The following ARPP21 variants were observed in gnomAD, a reference collection of about 807,000 sequenced individuals.
ARPP21 encodes cAMP-regulated phosphoprotein 21.
ARPP21 carries 69 observed loss-of-function variants against 113.2 expected under a neutral mutation model. That is an observed-to-expected ratio of 0.61 (90% CI 0.50 to 0.74). ARPP21 has a LOEUF of 0.74. Among genes scored for constraint, ARPP21 ranks in the 30% least tolerant of loss-of-function variants. ARPP21 has a pLI of 0.00. For missense variants in ARPP21, 1,070 were observed against 1,037.4 expected (o/e 1.03, Z -0.43); for synonymous variants, 368 against 375.5 (o/e 0.98, Z 0.23).
At chr3:35,687,596 G>A (rs1395285303) in intron 5 of ARPP21, 143 bp from the exon 6 acceptor site, 3 of 646,142 alleles carry the variant, frequency 4.6e-6, no homozygotes, top group Non-Finnish European at 7.7e-6. Flanking sequence ...TTAATTTCCT[G>A]ACAGGTTTAA....
chr3:35,727,706 T>C (rs945367375), intron 14 of ARPP21, among the ~76,000 whole-genome samples: 1 of 152,234 alleles, frequency 6.6e-6, no homozygotes, highest in African/African-American at 2.4e-5. Flanking sequence ...CAACCTGTGA[T>C]ATTACACAAG....
chr3:35,697,462 G>A (rs1279499643), intron 9 of ARPP21, among the ~76,000 whole-genome samples: 2 of 151,620 alleles, frequency 1.3e-5, no homozygotes, highest in African/African-American at 4.8e-5. Flanking sequence ...CAGAAAGGAT[G>A]AGTAACTGAG....
chr3:35,731,145 T>C (rs1227684534), intron 15 of ARPP21, among the ~76,000 whole-genome samples: 7 of 152,184 alleles, frequency 4.6e-5, no homozygotes, highest in Non-Finnish European at 8.8e-5. Flanking sequence ...GAGTGGTTTG[T>C]TTTAAGCAAA....
chr3:35,700,818 C>T (rs1419345136), intron 9 of ARPP21, among the ~76,000 whole-genome samples: 1 of 151,488 alleles, frequency 6.6e-6, no homozygotes, highest in Admixed American at 6.6e-5. Flanking sequence ...ACCACTGGAG[C>T]TTTTGAAAAT....
intron 11 of ARPP21, chr3:35,714,846 T>C (rs1003492127): frequency 4.6e-5 from 7 of 152,078 alleles, no homozygotes; most frequent in Admixed American, 1.3e-4. Flanking sequence ...TTTTTTTTTT[T>C]TAATTAGCGT....
chr3:35,768,518 T>C (rs2096070662), intron 19 of ARPP21, among the ~76,000 whole-genome samples: 1 of 152,190 alleles, frequency 6.6e-6, no homozygotes, highest in Non-Finnish European at 1.5e-5. Context: ...CGATATTTGA[T>C]TTATGATAGC....
chr3:35,775,917 G>A (rs2096350610), intron 19 of ARPP21, among the ~76,000 whole-genome samples: 1 of 151,986 alleles, frequency 6.6e-6, no homozygotes, highest in South Asian at 2.1e-4. Flanking sequence ...ATCAAAACCA[G>A]CCAGCTGACT....
At chr3:35,645,319 A>G (rs947651869) in intron 1 of ARPP21, among the ~76,000 whole-genome samples, 1 of 151,888 alleles carries the variant, frequency 6.6e-6, no homozygotes, top group African/African-American at 2.4e-5. Context: ...TCCCTTCTGT[A>G]AACATTGGTT....
At chr3:35,642,808 C>G (rs1698627030) in intron 1 of ARPP21, among the ~76,000 whole-genome samples, 3 of 152,140 alleles carry the variant, frequency 2.0e-5, no homozygotes, top group Admixed American at 2.0e-4. Flanking sequence ...CTTTTATGAA[C>G]TTGGAGTCTA....
chr3:35,732,877 A>C (rs1391189798), intron 15 of ARPP21, among the ~76,000 whole-genome samples: 8 of 152,134 alleles, frequency 5.3e-5, no homozygotes, highest in Non-Finnish European at 1.2e-4. Context: ...CAAACTGCTT[A>C]CACTTTTTTT....
At chr3:35,704,809 A>G (rs1428015083) in intron 9 of ARPP21, among the ~76,000 whole-genome samples, 1 of 152,042 alleles carries the variant, frequency 6.6e-6, no homozygotes, top group Non-Finnish European at 1.5e-5. Flanking sequence ...GGTACCAGGC[A>G]TGGTTCTAGG....
chr3:35,779,200 G>T (rs1034421274), intron 19 of ARPP21, among the ~76,000 whole-genome samples: 1 of 152,060 alleles, frequency 6.6e-6, no homozygotes, highest in South Asian at 2.1e-4. Context: ...TGTATTCTCC[G>T]GGTTCCTAGT....
chr3:35,733,347 T>C (rs543057607), intron 15 of ARPP21, among the ~76,000 whole-genome samples: 1 of 152,220 alleles, frequency 6.6e-6, no homozygotes, highest in Non-Finnish European at 1.5e-5. Context: ...ATGTCATATA[T>C]TGGAGAGAAA....
chr3:35,775,905 A>G (rs2096350303), intron 19 of ARPP21, among the ~76,000 whole-genome samples: 1 of 152,192 alleles, frequency 6.6e-6, no homozygotes, highest in Non-Finnish European at 1.5e-5. Flanking sequence ...CAAAACACAA[A>G]GATCAAAACC....
At chr3:35,696,209 G>A (rs1341097119) in intron 9 of ARPP21, among the ~76,000 whole-genome samples, 2 of 151,622 alleles carry the variant, frequency 1.3e-5, no homozygotes, top group African/African-American at 4.8e-5. Flanking sequence ...GAAAGACTTA[G>A]GTGAGTGCTG....
intron 19 of ARPP21, among the ~76,000 whole-genome samples, chr3:35,765,235 A>T: frequency 6.6e-6 from 1 of 152,130 alleles, no homozygotes; most frequent in Middle Eastern, 3.2e-3. Flanking sequence ...CAAGGTTTAC[A>T]TCTGTCAAAA....
Position 35,718,918 on chromosome 3 carries a change from A to C in ARPP21, c.995+1561A>C, listed in dbSNP as rs868445504. ...AGGAGAGTAACCTGTGCAAAAAAAAAAAAAAATGCATATAGACATAAAGGA... is the reference window on the plus strand; with the variant it reads ...AGGAGAGTAACCTGTGCAAAAAAAACAAAAAATGCATATAGACATAAAGGA... On this transcript the variant is annotated intron_variant, in intron 13 of 20. Coordinates refer to ENST00000684406, the MANE Select transcript of ARPP21 (RefSeq NM_001385562.1). Among the ~76,000 whole-genome samples, 12 of 152,168 alleles carry C rather than the reference A, an allele frequency of 7.9e-5. 1 individual carries two copies. The highest frequency in any genetic ancestry group is 2.7e-4 in the African/African-American group (11 of 41,506).
chr3:35,678,814 A>T (rs531667481), intron 1 of ARPP21: 1 of 152,078 alleles, frequency 6.6e-6, no homozygotes, highest in East Asian at 1.9e-4. Flanking sequence ...AAACTACGTA[A>T]CTGGGATGCA....
At chr3:35,741,924 A>G (rs985953296) in intron 18 of ARPP21, among the ~76,000 whole-genome samples, 2 of 152,154 alleles carry the variant, frequency 1.3e-5, no homozygotes, top group African/African-American at 4.8e-5. Context: ...CCAAAGCGCC[A>G]CCTTGGAGTG....
Sources: allele counts gnomAD v4.1 joint callset (sites outside exome capture counted in the v4.1 genomes callset), GRCh38; gene constraint gnomAD v4.1.1; transcripts MANE v1.5; gene names NCBI Gene and HGNC (gene_info 2026-07-23, HGNC 2026-07-21).